SPON2: variants seen among roughly 807,000 people sequenced by gnomAD.
SPON2 encodes the protein spondin-2.
A neutral mutation model predicts 29.9 loss-of-function variants in SPON2; 32 were observed. That is an observed-to-expected ratio of 1.07 (90% confidence interval 0.81 to 1.44). The LOEUF (loss-of-function observed/expected upper bound fraction) is 1.44. Among genes scored for constraint, SPON2 ranks in the 40% most tolerant of loss-of-function variants. The probability of loss-of-function intolerance (pLI) is 0.00; values close to 1 mark genes in which losing one functional copy is unlikely to be tolerated. For missense variants in SPON2, 541 were observed against 455.5 expected, an observed-to-expected ratio of 1.19 and a Z score of -1.71; for synonymous variants, 248 against 209.1, an observed-to-expected ratio of 1.19 and a Z score of -1.61.
intron 1 of SPON2, among the ~76,000 whole-genome samples, chr4:1,183,703 G>C (rs1299555414): frequency 2.0e-5 from 3 of 152,138 alleles, no homozygotes; most frequent in Admixed American, 6.5e-5. Context: ...AGCTGTAAAG[G>C]AGTAGAATTT....
upstream of SPON2, among the ~76,000 whole-genome samples, chr4:1,198,153 A>T (rs527596599): frequency 6.6e-6 from 1 of 152,334 alleles, no homozygotes; most frequent in South Asian, 2.1e-4. Flanking sequence ...AGACCCCAGT[A>T]TGGAAGAGGC....
chr4:1,172,860 C>T (rs1326611585), upstream of SPON2: 1 of 130,162 alleles, frequency 7.7e-6, no homozygotes, highest in African/African-American at 2.9e-5. Context: ...TATCCCTCCC[C>T]TCCCCTCCCT....
chr4:1,183,626 T>C lies in SPON2; in HGVS notation c.-238-4085A>G, dbSNP rs139087733. ...TGCATTTTTTAAAATTATTAATTTA[T>C]GTTTTGAGGCACACAGTGAATTAAG... On this transcript the variant is annotated intron_variant, in intron 1 of 3. Transcript: ENST00000502483. Among the ~76,000 whole-genome samples the C allele has an allele frequency of 2.7e-4, 41 of 152,342 alleles. No homozygotes were observed. The East Asian group carries it at 7.3e-3, about 27-fold the overall frequency.
chr4:1,174,486 C>A (rs1207981526), upstream of SPON2, among the ~76,000 whole-genome samples: 38 of 94,216 alleles, frequency 4.0e-4, no homozygotes, highest in Admixed American at 1.1e-3. Context: ...GACTCCATCT[C>A]AAAAAAAAAA....
intron 5 of SPON2, 114 bp from the exon 6 acceptor site, chr4:1,167,770 C>T (rs1292115862): frequency 3.4e-6 from 4 of 1,182,694 alleles, no homozygotes; most frequent in Non-Finnish European, 4.6e-6. Flanking sequence ...GCCCACCCTT[C>T]GGGGGCACTT....
intron 1 of SPON2, 196 bp downstream of exon 1, chr4:1,172,348 G>A (rs1344349821): frequency 1.8e-6 from 1 of 551,706 alleles, no homozygotes; most frequent in African/African-American, 1.9e-5. Flanking sequence ...CGGTCTGGGT[G>A]CGGCCTCCGG....
Position 1,189,484 on chromosome 4 carries a change from C to T in SPON2, c.-239+5506G>A, listed in dbSNP as rs1467459480. Among the ~76,000 whole-genome samples the T allele has an allele frequency of 2.6e-5, 4 of 151,154 alleles. No individual in the cohort carries two copies. In the East Asian group the frequency reaches 7.8e-4, roughly 29 times the overall value. On this transcript the variant is annotated intron_variant, in intron 1 of 3. Transcript: ENST00000502483. ...CCAGCAGGGGCAAACGGTAAAACCC[C>T]ATCTCTACAAAAATAAAAAATAGCT...
At chr4:1,195,087 GC>G (rs1560210852) in exon 1 of SPON2, 12 of 131,250 alleles carry the variant, frequency 9.1e-5, no homozygotes, top group African/African-American at 1.8e-4. Context: ...GCAGCCGGCG[GC>G]TCCAACCCCG....
upstream of SPON2, chr4:1,172,902 CCCTCCCCTCCTCCCCTCCCCT>C (rs1727509886): frequency 1.1e-5 from 1 of 94,782 alleles, no homozygotes; most frequent in Middle Eastern, 5.4e-3. Context: ...TCCCCTCCTC[CCCTCCCCTCCTCCCCTCCCCT>C]CCTCCCCTCC....
chr4:1,198,754 A>G (rs891267639), upstream of SPON2, among the ~76,000 whole-genome samples: 8 of 152,210 alleles, frequency 5.3e-5, no homozygotes, highest in Non-Finnish European at 5.9e-5. Context: ...TCATTAGCCA[A>G]TTAGCACAGA....
chr4:1,196,464 G>T (rs1728072573), upstream of SPON2, among the ~76,000 whole-genome samples: 2 of 152,340 alleles, frequency 1.3e-5, 1 homozygote, highest in South Asian at 4.1e-4. Flanking sequence ...GACCCTGGGG[G>T]TCACACCAGG....
intron 1 of SPON2, among the ~76,000 whole-genome samples, chr4:1,185,346 G>T (rs1727770458): frequency 6.6e-6 from 1 of 151,712 alleles, no homozygotes; most frequent in African/African-American, 2.4e-5. Flanking sequence ...AAAGTGCTGG[G>T]ATTACAGGCA....
upstream of SPON2, chr4:1,199,902 T>C (rs1171844120): frequency 6.6e-6 from 1 of 152,136 alleles, no homozygotes; most frequent in Non-Finnish European, 1.5e-5. This position sits in a 1 kb window ranked among gnomAD's most constrained non-coding sequence, Gnocchi z 4.5. Flanking sequence ...CATGAGAGGA[T>C]GCAGGGCCCC....
At chr4:1,207,314 G>A (rs1433178888) in intron 1 of SPON2, among the ~76,000 whole-genome samples, 1 of 152,136 alleles carries the variant, frequency 6.6e-6, no homozygotes, top group African/African-American at 2.4e-5. Flanking sequence ...TCCCACCAGT[G>A]TCCACAGCCC....
intron 1 of SPON2, among the ~76,000 whole-genome samples, chr4:1,207,027 G>A (rs1728359006): frequency 6.6e-6 from 1 of 151,208 alleles, no homozygotes; most frequent in Admixed American, 6.6e-5. Flanking sequence ...GGTTAGGTGT[G>A]AGCAGGTGCA....
intron 5 of SPON2, 84 bp from the exon 6 acceptor site, chr4:1,167,740 G>C: frequency 6.9e-7 from 1 of 1,443,086 alleles, no homozygotes; most frequent in Non-Finnish European, 9.3e-7. Flanking sequence ...CCACCAACGT[G>C]TGCATTCATC....
chr4:1,168,861 C>T (rs980753272), intron 5 of SPON2, among the ~76,000 whole-genome samples: 6 of 152,200 alleles, frequency 3.9e-5, no homozygotes, highest in African/African-American at 9.6e-5. Flanking sequence ...GCTGGCTTGG[C>T]GTGGACCTGG....
exon 1 of SPON2, chr4:1,208,087 G>A (rs1728390651): frequency 6.6e-6 from 1 of 152,668 alleles, no homozygotes; most frequent in Non-Finnish European, 1.5e-5. Flanking sequence ...TTGCTGCAGG[G>A]AGTGCCGGCT....
At position 1,167,530 on chromosome 4, in the gene SPON2, C is replaced by T. The variant is rs755049881; in HGVS notation, c.938G>A (p.Gly313Glu). ...RYVRVQPANNGSPCPELEEEA... is the reference protein window; with the variant it reads ...RYVRVQPANNESPCPELEEEA... ...TTCTTCGAGCTCGGGGCAGGGGCTC[C>T]CGTTGTTGGCGGGCTGGACCCGGAC... is the stretch of plus-strand genomic sequence containing the variant. The change falls in exon 6 of 6, where the codon GGG (glycine) becomes GAG (glutamate). Residue 313 changes from glycine to glutamate, a missense_variant. Gly to Glu is a moderately conservative substitution (Grantham distance 98, BLOSUM62 -2). Transcript: ENST00000290902. 4 of 1,613,804 alleles carry T rather than the reference C, an allele frequency of 2.5e-6. No individual in the cohort carries two copies. Among genetic ancestry groups the T allele is most frequent in the Non-Finnish European group, 3.4e-6 (4 of 1,180,008 alleles).
Sources: allele counts gnomAD v4.1 joint callset (sites outside exome capture counted in the v4.1 genomes callset), GRCh38; gene constraint gnomAD v4.1.1; non-coding constraint Gnocchi (gnomAD v3.1); transcripts MANE v1.5; gene names NCBI Gene and HGNC (gene_info 2026-07-23, HGNC 2026-07-21).